Variants in NPHP4 observed in about 807,000 individuals in gnomAD.
The protein encoded by NPHP4 is nephrocystin 4.
In NPHP4, 151 loss-of-function variants were observed where a neutral mutation model predicts 155.8. The ratio of observed to expected loss-of-function variants is 0.97; its 90% CI spans 0.85 to 1.11. The LOEUF (loss-of-function observed/expected upper bound fraction) is 1.11. Among genes scored for constraint, NPHP4 ranks in the 50% least tolerant of loss-of-function variants. The probability of loss-of-function intolerance (pLI) is 0.00; values close to 1 mark genes in which losing one functional copy is unlikely to be tolerated. For synonymous variants in NPHP4, 845 were observed against 816.8 expected (o/e 1.03, Z -0.59); for missense variants, 1,956 against 1,925.7 (o/e 1.02, Z -0.29).
In NPHP4 at chr1:5,927,714, G is replaced by T. The variant is rs371819898; in HGVS notation, c.1376C>A (p.Thr459Lys). The change falls in exon 11 of 30, where the codon ACG becomes AAG. Residue 459 changes from threonine (T) to lysine (K), a missense_variant. Transcript: ENST00000378156. ...CACTTTGGGGCCACTGACAGGCTCC[G>T]TGGGTGCATCCAGGTGTTCTTCTGA... is the stretch of plus-strand genomic sequence containing the variant. ...LGSEEHLDAP[T>K]EPVSGPKVER... 8.2e-5 allele frequency: 132 copies of T among 1,613,410 alleles called. 3 individuals are homozygous for T. Among genetic ancestry groups the T allele is most frequent in the East Asian group, 5.1e-4 (23 of 44,874 alleles).
At position 5,866,380 on chromosome 1, in the gene NPHP4, T is replaced by C; in HGVS notation, c.3637A>G (p.Ile1213Val). 1 of 1,604,254 alleles carries C rather than the reference T, an allele frequency of 6.2e-7. No homozygotes were observed. The highest frequency in any genetic ancestry group is 8.5e-7 in the Non-Finnish European group (1 of 1,173,228). Reference sequence around the variant, plus strand: ...CAAAGCCTGTGCACTTACGAGTAAATGATGACAAAGAAGTCTTTGATCTCC... The same window carrying C: ...CAAAGCCTGTGCACTTACGAGTAAACGATGACAAAGAAGTCTTTGATCTCC... The part of the protein sequence containing the change: ...SPEIKDFFVI[I>V]YSDRWLATPT... Residue 1213 changes from isoleucine to valine, a missense_variant, in exon 26 of 30, where the codon ATT becomes GTT. By Grantham distance (29) the Ile-to-Val change is conservative. Coordinates refer to ENST00000378156, the MANE Select transcript of NPHP4 (RefSeq NM_015102.5).
In NPHP4 at chr1:5,905,569, A is replaced by G. The variant is rs1644875286; in HGVS notation, c.1763+63T>C. The G allele has an allele frequency of 1.2e-6, 2 of 1,604,520 alleles. No individual in the cohort carries two copies. The highest frequency in any genetic ancestry group is 2.7e-5 in the African/African-American group (2 of 74,840). On this transcript the variant is annotated intron_variant, in intron 14 of 29. Coordinates refer to ENST00000378156, the MANE Select transcript of NPHP4 (RefSeq NM_015102.5). The surrounding 1 kb of genome is among the most constrained non-coding windows in gnomAD (Gnocchi z 4.0). ...CCCTGTGGAAACCCTGGGGTTCACA[A>G]GGTCCAACAGTCTGACGGCACAGCA...
At position 5,882,418 on chromosome 1, in the gene NPHP4, C is replaced by A. The variant is rs532348201; in HGVS notation, c.2486-2179G>T. On this transcript the variant is annotated intron_variant, in intron 18 of 29. Coordinates refer to ENST00000378156, the MANE Select transcript of NPHP4 (RefSeq NM_015102.5). This position sits in a 1 kb window ranked among gnomAD's most constrained non-coding sequence, Gnocchi z 5.1. The stretch of plus-strand genomic sequence containing the variant: ...CATCTCTTTCCAGGGGAATTAATTT[C>A]GTTCTTGCCAATGTCCCAGTAGCTG... The A allele has an allele frequency of 5.9e-5, 9 of 153,204 alleles. No homozygotes were observed. The highest frequency in any genetic ancestry group is 2.2e-4 in the African/African-American group (9 of 41,588). The allele number at this position is 153,204 out of a possible 1,614,324, so 9.5% of individuals were successfully genotyped here. A position where few individuals can be genotyped will look rare whatever the true frequency, so the allele number is the denominator to read the frequency against.
intron 9 of NPHP4, among the ~76,000 whole-genome samples, chr1:5,941,249 A>AATCAGATCC (rs952539357): frequency 2.0e-5 from 3 of 150,600 alleles, no homozygotes; most frequent in African/African-American, 7.4e-5. Flanking sequence ...GAAAAGATAA[A>AATCAGATCC]ATCAGATCCA....
chr1:5,874,604 T>C lies in NPHP4; in HGVS notation c.3098A>G (p.His1033Arg), dbSNP rs563575483. 4 of 1,612,008 alleles carry C rather than the reference T, an allele frequency of 2.5e-6. No individual in the cohort carries two copies. In the East Asian group the frequency reaches 8.9e-5, roughly 36 times the overall value. The change falls in exon 22 of 30, where the codon CAC (histidine) becomes CGC (arginine). Residue 1033 changes from histidine to arginine, a missense_variant. Physicochemically the swap from His to Arg is conservative, Grantham distance 29. Transcript: ENST00000378156. Reference sequence around the variant, plus strand: ...GAACATGTCCTCCTCCACCGGTGTGTGCAGGCCAGCAGCACCCTTGAAGTC... The same window carrying C: ...GAACATGTCCTCCTCCACCGGTGTGCGCAGGCCAGCAGCACCCTTGAAGTC... ...WRDFKGAAGL[H>R]TPVEEDMFHL...
At chr1:5,937,699 G>A (rs1467892693) in intron 9 of NPHP4, among the ~76,000 whole-genome samples, 1 of 152,214 alleles carries the variant, frequency 6.6e-6, no homozygotes, top group Non-Finnish European at 1.5e-5. Context: ...GCTGGGCCCA[G>A]GGGAACTGCC....
intron 18 of NPHP4, chr1:5,881,657 G>T (rs1365982303): frequency 6.6e-6 from 1 of 152,222 alleles, no homozygotes; most frequent in African/African-American, 2.4e-5. Flanking sequence ...ACTTCTAGAA[G>T]AGCTTCACTT....
chr1:5,896,013 T>TA (rs1262965374), intron 16 of NPHP4, among the ~76,000 whole-genome samples: 1 of 152,114 alleles, frequency 6.6e-6, no homozygotes, highest in Admixed American at 6.5e-5. Flanking sequence ...GCTATGACAT[T>TA]AACTGAAAAA....
chr1:5,988,810 C>T (rs1452289933), intron 1 of NPHP4, among the ~76,000 whole-genome samples: 4 of 152,002 alleles, frequency 2.6e-5, no homozygotes, highest in African/African-American at 4.8e-5. Context: ...CCCAGGGTCC[C>T]GCCTCCACCC....
chr1:5,934,997 A>G (rs1285733050), intron 9 of NPHP4, among the ~76,000 whole-genome samples: 1 of 152,208 alleles, frequency 6.6e-6, no homozygotes, highest in Non-Finnish European at 1.5e-5. Flanking sequence ...AGATCCCCGC[A>G]TGCATGCGTG....
intron 3 of NPHP4, among the ~76,000 whole-genome samples, chr1:5,971,237 A>C (rs756500941): frequency 6.6e-6 from 1 of 152,222 alleles, no homozygotes; most frequent in Non-Finnish European, 1.5e-5. Flanking sequence ...ACCACTAAAA[A>C]TAATCACTCT....
At chr1:5,973,961 C>T (rs1449915079) in intron 3 of NPHP4, among the ~76,000 whole-genome samples, 1 of 152,242 alleles carries the variant, frequency 6.6e-6, no homozygotes, top group Non-Finnish European at 1.5e-5. Flanking sequence ...GACATGCCTG[C>T]CCTCTGCCGA....
At chr1:5,975,662 G>A (rs182084317) in intron 3 of NPHP4, among the ~76,000 whole-genome samples, 1 of 152,324 alleles carries the variant, frequency 6.6e-6, no homozygotes, top group East Asian at 1.9e-4. Context: ...AGGTATTCCA[G>A]ACTCCGAAAA....
At chr1:5,907,702 T>C (rs1248399724) in intron 12 of NPHP4, among the ~76,000 whole-genome samples, 5 of 88,370 alleles carry the variant, frequency 5.7e-5, no homozygotes, top group Non-Finnish European at 1.1e-4. Flanking sequence ...AACGTGGCAT[T>C]ACCGTGGAGT....
chr1:5,972,832 C>T (rs943167437), intron 3 of NPHP4, among the ~76,000 whole-genome samples: 19 of 151,982 alleles, frequency 1.3e-4, no homozygotes, highest in African/African-American at 3.4e-4. Context: ...GATTACGGTG[C>T]ACCCATCACC....
At chr1:5,931,545 C>T (rs1646273514) in intron 10 of NPHP4, among the ~76,000 whole-genome samples, 1 of 151,802 alleles carries the variant, frequency 6.6e-6, no homozygotes, top group South Asian at 2.1e-4. Flanking sequence ...ACCAGCCTGG[C>T]CAACATGATG....
intron 10 of NPHP4, among the ~76,000 whole-genome samples, chr1:5,929,444 ACAT>A (rs1371594639): frequency 2.0e-5 from 3 of 152,214 alleles, no homozygotes; most frequent in Admixed American, 6.5e-5. Context: ...GTTTTTGTAA[ACAT>A]CACTGATTAT....
At chr1:5,872,152 C>T (rs2100576322) in intron 23 of NPHP4, among the ~76,000 whole-genome samples, 1 of 152,368 alleles carries the variant, frequency 6.6e-6, no homozygotes, top group East Asian at 1.9e-4. Context: ...ACAGACTGGC[C>T]ATGCTCACAG....
At chr1:5,931,842 A>G (rs1180351757) in intron 10 of NPHP4, among the ~76,000 whole-genome samples, 1 of 151,900 alleles carries the variant, frequency 6.6e-6, no homozygotes, top group African/African-American at 2.4e-5. Flanking sequence ...TGGGAGGCCA[A>G]GGTAGGAGGA....
Sources: allele counts gnomAD v4.1 joint callset (sites outside exome capture counted in the v4.1 genomes callset), GRCh38; gene constraint gnomAD v4.1.1; non-coding constraint Gnocchi (gnomAD v3.1); transcripts MANE v1.5; gene names NCBI Gene and HGNC (gene_info 2026-07-23, HGNC 2026-07-21).